The following GRIA1 variants were observed in gnomAD, a reference collection of about 807,000 sequenced individuals.
GRIA1 encodes glutamate receptor 1.
Under a neutral mutation model 99.2 loss-of-function variants are expected in GRIA1, and 31 were observed. That is an observed-to-expected ratio of 0.31 (90% confidence interval 0.23 to 0.42). The LOEUF is 0.42. GRIA1 is among the 10% of genes least tolerant of loss of function. The pLI is 1.00. For synonymous variants in GRIA1, 438 were observed against 432.4 expected, an observed-to-expected ratio of 1.01 and a Z score of -0.16; for missense variants, 782 against 1,157.5, an observed-to-expected ratio of 0.68 and a Z score of 4.71.
intron 5 of GRIA1, among the ~76,000 whole-genome samples, chr5:153,668,397 C>T (rs911836475): frequency 2.0e-5 from 3 of 152,170 alleles, no homozygotes; most frequent in Non-Finnish European, 2.9e-5. Context: ...TGATTTTTTA[C>T]ATTTTTTAAT....
intron 11 of GRIA1, among the ~76,000 whole-genome samples, chr5:153,726,724 C>G (rs1760563709): frequency 1.3e-5 from 2 of 152,152 alleles, no homozygotes; most frequent in Admixed American, 1.3e-4. Context: ...CAATAACAGG[C>G]TCTGAAATTG....
At chr5:153,666,578 C>A (rs568939427) in intron 5 of GRIA1, among the ~76,000 whole-genome samples, 24 of 152,240 alleles carry the variant, frequency 1.6e-4, no homozygotes, top group African/African-American at 5.8e-4. Context: ...GAAAACAAGT[C>A]CTAGAGTCTT....
intron 11 of GRIA1, among the ~76,000 whole-genome samples, chr5:153,749,993 G>C (rs1440633833): frequency 6.6e-6 from 1 of 152,112 alleles, no homozygotes; most frequent in African/African-American, 2.4e-5. Context: ...CCAGAGTCCA[G>C]GGCCCTCCCC....
chr5:153,783,556 C>CT (rs1363462340), intron 13 of GRIA1, among the ~76,000 whole-genome samples: 2 of 152,220 alleles, frequency 1.3e-5, no homozygotes, highest in African/African-American at 4.8e-5. Context: ...ATCCAGGTCT[C>CT]TGGGCTGTAT....
chr5:153,705,509 G>A (rs529619484), intron 10 of GRIA1, among the ~76,000 whole-genome samples, 188 bp from the exon 11 acceptor site: 7 of 152,170 alleles, frequency 4.6e-5, no homozygotes, highest in African/African-American at 1.7e-4. Context: ...GTAAGATATT[G>A]AGCTGACCAT....
chr5:153,548,985 A>T (rs1759868947), intron 2 of GRIA1, among the ~76,000 whole-genome samples: 6 of 152,106 alleles, frequency 3.9e-5, no homozygotes, highest in Admixed American at 3.9e-4. Context: ...CAGAGTCTTT[A>T]TTGGATGTTT....
intron 14 of GRIA1, among the ~76,000 whole-genome samples, chr5:153,797,633 C>T (rs1017054616): frequency 2.6e-5 from 4 of 152,212 alleles, no homozygotes; most frequent in African/African-American, 7.2e-5. Context: ...AGGCCTCAGC[C>T]TTAGCCAGTC....
At chr5:153,610,697 G>T (rs558028049) in intron 2 of GRIA1, among the ~76,000 whole-genome samples, 1 of 152,046 alleles carries the variant, frequency 6.6e-6, no homozygotes, top group African/African-American at 2.4e-5. Context: ...TCTCTATGTT[G>T]CAATTTCCCC....
intron 2 of GRIA1, among the ~76,000 whole-genome samples, chr5:153,632,754 T>G (rs938687270): frequency 2.0e-5 from 3 of 152,138 alleles, no homozygotes; most frequent in Non-Finnish European, 4.4e-5. Flanking sequence ...CTGAGACTTT[T>G]GAAATAGATT....
intron 2 of GRIA1, among the ~76,000 whole-genome samples, chr5:153,587,915 T>A (rs953666826): frequency 6.6e-6 from 1 of 152,150 alleles, no homozygotes; most frequent in Non-Finnish European, 1.5e-5. Context: ...GAGAAGGACA[T>A]GGTGCTGGGG....
chr5:153,636,760 T>C (rs1753390078), intron 2 of GRIA1, among the ~76,000 whole-genome samples: 1 of 152,246 alleles, frequency 6.6e-6, no homozygotes, highest in African/African-American at 2.4e-5. Flanking sequence ...CCCTGTGCTA[T>C]CAAATTAGCA....
rs531126283 is a variant in GRIA1 at position 153,718,188 on chromosome 5, A to G, written c.1823+12121A>G. Among the ~76,000 whole-genome samples, 3 of 152,368 alleles carry G rather than the reference A, an allele frequency of 2.0e-5. No individual in the cohort carries two copies. The East Asian group carries it at 5.8e-4, about 29-fold the overall frequency. On this transcript the variant is annotated intron_variant, in intron 11 of 15. Transcript: ENST00000285900. ...CAGACCTCTAAGTTTGCGACACAGT[A>G]GAAGAACCAAGGTATTCAAGGAGAA...
chr5:153,811,413 G>A lies in GRIA1; in HGVS notation c.*188G>A, dbSNP rs1766814241. On this transcript the variant is annotated 3_prime_UTR_variant, in exon 16 of 16. Coordinates refer to ENST00000285900, the MANE Select transcript of GRIA1 (RefSeq NM_000827.4). ...ATTTTGCTGTCCCTTTTCCTTTTTT[G>A]ATGTTCTTTCACCCTTTTCTGTTTG... 1 of 570,922 alleles carries A rather than the reference G, an allele frequency of 1.8e-6. No individual in the cohort carries two copies. The allele number at this position is 570,922 out of a possible 1,614,324, so 35.4% of individuals were successfully genotyped here.
chr5:153,718,321 C>T (rs1018192509), intron 11 of GRIA1, among the ~76,000 whole-genome samples: 1 of 152,102 alleles, frequency 6.6e-6, no homozygotes, highest in African/African-American at 2.4e-5. Context: ...ATGATCTGGG[C>T]TGGCTTATGG....
At chr5:153,648,469 G>A (rs560380243) in intron 3 of GRIA1, among the ~76,000 whole-genome samples, 18 of 152,248 alleles carry the variant, frequency 1.2e-4, no homozygotes, top group East Asian at 5.8e-4. Flanking sequence ...GAGCCCTGCC[G>A]TTTGTCAGCT....
chr5:153,570,796 C>T (rs1762045237), intron 2 of GRIA1, among the ~76,000 whole-genome samples: 1 of 152,086 alleles, frequency 6.6e-6, no homozygotes, highest in Admixed American at 6.6e-5. Flanking sequence ...CAATGCCTGG[C>T]ACATAGTAAG....
intron 2 of GRIA1, chr5:153,494,392 T>C: frequency 3.7e-6 from 1 of 266,902 alleles, no homozygotes; most frequent in Non-Finnish European, 7.2e-6. Flanking sequence ...ACGAATCTTC[T>C]GAGAGGCATA....
At chr5:153,649,528 G>A (rs958073988) in intron 3 of GRIA1, among the ~76,000 whole-genome samples, 2 of 152,174 alleles carry the variant, frequency 1.3e-5, no homozygotes, top group Non-Finnish European at 1.5e-5. Context: ...CACGATGTGG[G>A]CTCACTGCAA....
chr5:153,735,025 G>C (rs894381819), intron 11 of GRIA1, among the ~76,000 whole-genome samples: 1 of 152,152 alleles, frequency 6.6e-6, no homozygotes, highest in African/African-American at 2.4e-5. Context: ...GGAGCTACTG[G>C]TGTCTAATGG....
Sources: allele counts gnomAD v4.1 joint callset (sites outside exome capture counted in the v4.1 genomes callset), GRCh38; gene constraint gnomAD v4.1.1; transcripts MANE v1.5; gene names NCBI Gene and HGNC (gene_info 2026-07-23, HGNC 2026-07-21).